SCFD1: variants seen among roughly 807,000 people sequenced by gnomAD.
SCFD1 encodes sec1 family domain-containing protein 1.
Under a neutral mutation model 103.2 loss-of-function variants are expected in SCFD1, and 37 were observed. The ratio of observed to expected loss-of-function variants is 0.36; its 90% CI spans 0.28 to 0.47. The LOEUF is 0.47. SCFD1 is among the 20% of genes least tolerant of loss of function. The pLI, the probability that SCFD1 is intolerant of heterozygous loss-of-function variation, is 1.00. For missense variants in SCFD1, 639 were observed against 761.2 expected (o/e 0.84, Z 1.89); for synonymous variants, 264 against 245.0 (o/e 1.08, Z -0.73).
At chr14:30,626,733 G>A (rs900852916) in intron 1 of SCFD1, among the ~76,000 whole-genome samples, 5 of 152,016 alleles carry the variant, frequency 3.3e-5, no homozygotes, top group South Asian at 2.1e-4. Flanking sequence ...TCCTGGCTCC[G>A]GGTCTCTTCT....
chr14:30,695,662 A>T (rs1372270144), intron 15 of SCFD1, among the ~76,000 whole-genome samples: 2 of 152,290 alleles, frequency 1.3e-5, no homozygotes, highest in East Asian at 3.9e-4. Context: ...TAAGCCCAGG[A>T]GTTTGAGACC....
intron 17 of SCFD1, 93 bp downstream of exon 17, chr14:30,702,468 G>T: frequency 1.4e-6 from 1 of 707,794 alleles, no homozygotes; most frequent in Non-Finnish European, 2.3e-6. Context: ...TAAGAAAACT[G>T]AACAATGCCT....
intron 15 of SCFD1, 61 bp from the exon 16 acceptor site, chr14:30,700,127 A>G (rs148488600): frequency 9.3e-6 from 11 of 1,182,098 alleles, no homozygotes; most frequent in Non-Finnish European, 1.4e-5. Flanking sequence ...ACTTGTGTTG[A>G]CTATAATACA....
At chr14:30,627,143 G>A (rs931611503) in intron 1 of SCFD1, among the ~76,000 whole-genome samples, 2 of 151,988 alleles carry the variant, frequency 1.3e-5, no homozygotes, top group Non-Finnish European at 2.9e-5. Flanking sequence ...TCAGTTTCAC[G>A]AAGAAGTATA....
intron 22 of SCFD1, 97 bp from the exon 23 acceptor site, chr14:30,722,397 G>C (rs1892708505): frequency 1.2e-6 from 1 of 806,110 alleles, no homozygotes; most frequent in Non-Finnish European, 2.0e-6. Context: ...CAGGGGCTTA[G>C]AATATGACTT....
intron 10 of SCFD1, among the ~76,000 whole-genome samples, chr14:30,665,190 T>A (rs947998525): frequency 5.9e-5 from 9 of 152,200 alleles, no homozygotes; most frequent in Non-Finnish European, 1.0e-4. Flanking sequence ...TAACAGTGGA[T>A]CTCTCAGCAG....
At chr14:30,703,451 A>G (rs1368365416) in intron 17 of SCFD1, among the ~76,000 whole-genome samples, 3 of 151,646 alleles carry the variant, frequency 2.0e-5, no homozygotes, top group Non-Finnish European at 4.4e-5. Flanking sequence ...GAAATGGCAT[A>G]CAACTAAATG....
chr14:30,717,519 T>C (rs1892360918), intron 20 of SCFD1, among the ~76,000 whole-genome samples: 1 of 152,082 alleles, frequency 6.6e-6, no homozygotes, highest in Non-Finnish European at 1.5e-5. Flanking sequence ...TTACTGTCCC[T>C]AATCTTGAAG....
chr14:30,692,151 C>T (rs760013613), intron 14 of SCFD1, among the ~76,000 whole-genome samples: 8 of 151,898 alleles, frequency 5.3e-5, no homozygotes, highest in Non-Finnish European at 7.4e-5. Context: ...TCTAGAAGTT[C>T]GTTCATCTAT....
In SCFD1 at chr14:30,673,287, G is replaced by T; in HGVS notation, c.1026G>T (p.Gln342His). The T allele has an allele frequency of 6.3e-7, 1 of 1,598,624 alleles. No individual in the cohort carries two copies. Among genetic ancestry groups the T allele is most frequent in the Non-Finnish European group, 8.5e-7 (1 of 1,170,772 alleles). ...SPFPEVAESV[Q>H]QELESYRAQE... Reference sequence around the variant, plus strand: ...TCCCAGAAGTTGCAGAATCAGTTCAGCAAGAACTAGAATCTTACAGAGCAC... The same window carrying T: ...TCCCAGAAGTTGCAGAATCAGTTCATCAAGAACTAGAATCTTACAGAGCAC... The change falls in exon 12 of 25, where the codon CAG (glutamine) becomes CAT (histidine). Residue 342 changes from glutamine (Q) to histidine (H), a missense_variant. Gln to His is a conservative substitution (Grantham distance 24). Coordinates refer to ENST00000458591, the MANE Select transcript of SCFD1 (RefSeq NM_016106.4).
In SCFD1 at chr14:30,630,509, A is replaced by G; in HGVS notation, c.165A>G (p.Ile55Met). ...VLIYDRFGQD[I>M]ISPLLSVKEL... ...TTTATGACAGATTTGGCCAAGATAT[A>G]ATCTCTCCTCTGCTATCTGTGAAGG... Residue 55 changes from isoleucine (I) to methionine (M), a missense_variant, in exon 3 of 25, where the codon ATA becomes ATG. Physicochemically the swap from Ile to Met is conservative, Grantham distance 10. Coordinates refer to ENST00000458591, the MANE Select transcript of SCFD1 (RefSeq NM_016106.4). The G allele has an allele frequency of 6.2e-7, 1 of 1,604,562 alleles. No homozygotes were observed. Among genetic ancestry groups the G allele is most frequent in the Non-Finnish European group, 8.5e-7 (1 of 1,171,854 alleles).
intron 10 of SCFD1, among the ~76,000 whole-genome samples, chr14:30,662,929 C>G (rs1379194157): frequency 1.3e-5 from 2 of 152,112 alleles, no homozygotes; most frequent in African/African-American, 4.8e-5. Context: ...GAAAATGTGA[C>G]TGTCAATGGA....
At chr14:30,706,311 A>T (rs192529538) in intron 18 of SCFD1, among the ~76,000 whole-genome samples, 1 of 152,262 alleles carries the variant, frequency 6.6e-6, no homozygotes, top group African/African-American at 2.4e-5. Flanking sequence ...ATCTGTGTGG[A>T]TGAGTAAACA....
At chr14:30,722,673 T>A in intron 23 of SCFD1, 114 bp downstream of exon 23, 1 of 532,812 alleles carries the variant, frequency 1.9e-6, no homozygotes, top group Non-Finnish European at 3.2e-6. Context: ...AAAGGTAGTT[T>A]TAAAATCATG....
chr14:30,626,185 TAAATA>T (rs1384622265), intron 1 of SCFD1, among the ~76,000 whole-genome samples: 5 of 151,716 alleles, frequency 3.3e-5, no homozygotes, highest in Non-Finnish European at 7.4e-5. Flanking sequence ...ATAAATACAT[TAAATA>T]AAATACATTT....
intron 2 of SCFD1, among the ~76,000 whole-genome samples, chr14:30,629,655 G>T: frequency 6.8e-6 from 1 of 146,742 alleles, no homozygotes; most frequent in Non-Finnish European, 1.5e-5. Flanking sequence ...TCAGCTCACT[G>T]CAGCCTCCGC....
At chr14:30,635,428 C>T (rs1566580384) in intron 4 of SCFD1, among the ~76,000 whole-genome samples, 1 of 152,206 alleles carries the variant, frequency 6.6e-6, no homozygotes, top group Non-Finnish European at 1.5e-5. Flanking sequence ...CAACCCTCCC[C>T]CATCCTCTTC....
intron 21 of SCFD1, among the ~76,000 whole-genome samples, chr14:30,719,622 TGGTGGA>T (rs1892517724): frequency 6.6e-6 from 1 of 152,126 alleles, no homozygotes; most frequent in Non-Finnish European, 1.5e-5. Context: ...TTTTATGAAA[TGGTGGA>T]GGTATTAGAA....
chr14:30,707,470 A>G (rs1367404301), intron 18 of SCFD1, among the ~76,000 whole-genome samples: 1 of 152,216 alleles, frequency 6.6e-6, no homozygotes, highest in African/African-American at 2.4e-5. Context: ...TATAGAGAGG[A>G]GAGAAAATAT....
Sources: allele counts gnomAD v4.1 joint callset (sites outside exome capture counted in the v4.1 genomes callset), GRCh38; gene constraint gnomAD v4.1.1; transcripts MANE v1.5; gene names NCBI Gene and HGNC (gene_info 2026-07-23, HGNC 2026-07-21).